The following PHC3 variants were observed in gnomAD, a reference collection of about 807,000 sequenced individuals.
The protein encoded by PHC3 is polyhomeotic homolog 3, also known as polyhomeotic-like protein 3.
Under a neutral mutation model 107.4 loss-of-function variants are expected in PHC3, and 13 were observed. The observed-to-expected ratio is 0.12, with a 90% CI of 0.08 to 0.19. The LOEUF is 0.19. Ranked by LOEUF, PHC3 falls within the 10% of genes least tolerant of loss-of-function variation. The probability of loss-of-function intolerance (pLI) is 1.00; values close to 1 mark genes in which losing one functional copy is unlikely to be tolerated. For synonymous variants in PHC3, 456 were observed against 427.4 expected (o/e 1.07, Z -0.83); for missense variants, 992 against 1,210.9 (o/e 0.82, Z 2.68).
At chr3:170,098,190 T>A (rs1489049198) in intron 14 of PHC3, among the ~76,000 whole-genome samples, 3 of 152,164 alleles carry the variant, frequency 2.0e-5, no homozygotes, top group Non-Finnish European at 4.4e-5. Flanking sequence ...TACCAAATTT[T>A]CACATCCAAA....
Position 170,136,588 on chromosome 3 carries a change from A to C in PHC3, c.750T>G (p.Ser250Arg), listed in dbSNP as rs556215860. The change falls in exon 7 of 15, where the codon AGT becomes AGG. Residue 250 changes from serine (S) to arginine (R), a missense_variant. Ser to Arg is a moderately radical substitution (Grantham distance 110, BLOSUM62 -1). Coordinates refer to ENST00000495893, the MANE Select transcript of PHC3 (RefSeq NM_024947.4). Reference protein sequence around the residue: ...SSQNGPPKSTSQTQSLTICHN... With the variant: ...SSQNGPPKSTRQTQSLTICHN... ...GACAAATTGTCAATGACTGAGTTTG[A>C]CTAGTGCTTTTTGGTGGACCATTCT... The C allele has an allele frequency of 2.8e-5, 45 of 1,613,802 alleles. 1 individual carries two copies. The highest frequency in any genetic ancestry group is 3.8e-5 in the Non-Finnish European group (45 of 1,179,830).
At position 170,122,637 on chromosome 3, in the gene PHC3, T is replaced by G. The variant is rs947812826; in HGVS notation, c.1896A>C (p.Ile632=). 1 of 1,613,998 alleles carries G rather than the reference T, an allele frequency of 6.2e-7. No homozygotes were observed. The highest frequency in any genetic ancestry group is 8.5e-7 in the Non-Finnish European group (1 of 1,179,880). The part of the protein sequence containing the change: ...PPPPTLSPAA[I]TVGRGEDLTS... ...TCAAATCTTCTCCTCTCCCCACTGTTATAGCTGCTGGAGACAAAGTGGGTG... is the reference window on the plus strand; with the variant it reads ...TCAAATCTTCTCCTCTCCCCACTGTGATAGCTGCTGGAGACAAAGTGGGTG... The change falls in exon 9 of 15, where the codon ATA becomes ATC. Residue 632 remains isoleucine (I), a synonymous_variant. Transcript: ENST00000495893.
At chr3:170,144,318 T>A (rs1290490660) in intron 6 of PHC3, among the ~76,000 whole-genome samples, 2 of 150,254 alleles carry the variant, frequency 1.3e-5, no homozygotes, top group African/African-American at 4.9e-5. Context: ...TCCAGCTTGG[T>A]CAATAAGAGC....
At chr3:170,125,403 G>GGTTTTATCGACCAGTTCA (rs1721087281) in intron 8 of PHC3, among the ~76,000 whole-genome samples, 1 of 152,102 alleles carries the variant, frequency 6.6e-6, no homozygotes, top group African/African-American at 2.4e-5. Flanking sequence ...AAACAAGTAT[G>GGTTTTATCGACCAGTTCA]GTTTTATCGA....
chr3:170,127,700 T>C (rs967072930), intron 8 of PHC3, among the ~76,000 whole-genome samples: 2 of 152,212 alleles, frequency 1.3e-5, no homozygotes. Flanking sequence ...TTTTAGGTGA[T>C]AAAATCTCTT....
intron 12 of PHC3, among the ~76,000 whole-genome samples, chr3:170,103,238 C>A (rs13315307): frequency 1.3e-4 from 20 of 151,892 alleles, no homozygotes; most frequent in African/African-American, 4.8e-4. Flanking sequence ...CAGAGGATAA[C>A]CAATTTTCAT....
chr3:170,166,534 C>T (rs1413692446), intron 4 of PHC3, among the ~76,000 whole-genome samples: 1 of 152,000 alleles, frequency 6.6e-6, no homozygotes, highest in African/African-American at 2.4e-5. Context: ...TTTAACTAAT[C>T]CTCAATTAAT....
rs1714027795 is a variant in PHC3 at position 170,090,890 on chromosome 3, GATT to G, written c.*6337_*6339del. ...TAATTCATTATTTACTACTGAAATAGATTATTTACTGATTATTTAATACTACCC... is the reference window on the plus strand; with the variant it reads ...TAATTCATTATTTACTACTGAAATAGATTTACTGATTATTTAATACTACCC... On this transcript the variant is annotated 3_prime_UTR_variant, in exon 15 of 15. Coordinates refer to ENST00000495893, the MANE Select transcript of PHC3 (RefSeq NM_024947.4). 6.6e-6 allele frequency: 1 copy of G among 152,222 alleles called. No individual in the cohort carries two copies. The highest frequency in any genetic ancestry group is 1.9e-4 in the East Asian group (1 of 5,186). The allele number at this position is 152,222 out of a possible 1,614,324, so 9.4% of individuals were successfully genotyped here. A position where few individuals can be genotyped will look rare whatever the true frequency, so the allele number is the denominator to read the frequency against.
At chr3:170,099,971 A>C (rs1715212389) in intron 14 of PHC3, among the ~76,000 whole-genome samples, 1 of 152,218 alleles carries the variant, frequency 6.6e-6, no homozygotes. Context: ...ACCCGCAGTA[A>C]ATTGAAAATA....
Position 170,113,505 on chromosome 3 carries a change from A to C in PHC3, c.2208T>G (p.Ser736=). 2.5e-6 allele frequency: 4 copies of C among 1,607,444 alleles called. No homozygotes were observed. The highest frequency in any genetic ancestry group is 3.4e-6 in the Non-Finnish European group (4 of 1,177,882). The part of the protein sequence containing the change: ...GLEPFPVSRS[S]LLIEQPVKKR... ...TTTTCACAGGCTGTTCTATTAGCAAAGAGGAACGACTCACCTTTAAAAAAG... is the reference window on the plus strand; with the variant it reads ...TTTTCACAGGCTGTTCTATTAGCAACGAGGAACGACTCACCTTTAAAAAAG... The change falls in exon 11 of 15, where the codon TCT becomes TCG. Residue 736 remains serine, a synonymous_variant. Coordinates refer to ENST00000495893, the MANE Select transcript of PHC3 (RefSeq NM_024947.4).
At chr3:170,162,803 T>C (rs929905648) in intron 4 of PHC3, among the ~76,000 whole-genome samples, 1 of 152,082 alleles carries the variant, frequency 6.6e-6, no homozygotes, top group Non-Finnish European at 1.5e-5. Flanking sequence ...TACAATTACC[T>C]CTCTGATGTC....
chr3:170,129,533 C>T lies in PHC3; in HGVS notation c.939G>A (p.Gln313=). ...GCTGATGTTTTATTAGAGAATGAGG[C>T]TGAATTGGAGAATATGAAGCTGTGA... The part of the protein sequence containing the change: ...LIAPASYSPI[Q]PHSLIKHQQI... Residue 313 remains glutamine (Q), a synonymous_variant, in exon 8 of 15, where the codon CAG becomes CAA. Coordinates refer to ENST00000495893, the MANE Select transcript of PHC3 (RefSeq NM_024947.4). The T allele has an allele frequency of 2.5e-6, 4 of 1,613,064 alleles. No homozygotes were observed. The highest frequency in any genetic ancestry group is 3.4e-6 in the Non-Finnish European group (4 of 1,179,460).
At chr3:170,111,070 C>A (rs1352405678) in intron 11 of PHC3, among the ~76,000 whole-genome samples, 1 of 151,922 alleles carries the variant, frequency 6.6e-6, no homozygotes, top group Non-Finnish European at 1.5e-5. Context: ...TTATTTGGAA[C>A]CTGATTTAAC....
chr3:170,164,451 C>T (rs1235454068), intron 4 of PHC3, among the ~76,000 whole-genome samples: 1 of 152,070 alleles, frequency 6.6e-6, no homozygotes, highest in Non-Finnish European at 1.5e-5. Flanking sequence ...CTTCTGCTTG[C>T]GTAATCAAAT....
At chr3:170,128,433 T>C (rs1721702271) in intron 8 of PHC3, 1 of 1,286,752 alleles carries the variant, frequency 7.8e-7, no homozygotes. Flanking sequence ...GATGGATTTG[T>C]TTAAATAGTA....
chr3:170,163,766 C>T (rs36029519), intron 4 of PHC3, among the ~76,000 whole-genome samples: 2,344 of 150,154 alleles, frequency 0.016, 44 homozygotes, highest in African/African-American at 0.048. Flanking sequence ...GGGAGGCTGA[C>T]GCACGAGAAT....
intron 2 of PHC3, among the ~76,000 whole-genome samples, chr3:170,177,724 A>C (rs1730703549): frequency 7.3e-6 from 1 of 136,450 alleles, no homozygotes; most frequent in Admixed American, 8.3e-5. Context: ...AGACTGGAGT[A>C]CAGTGGTGCG....
At position 170,136,605 on chromosome 3, in the gene PHC3, G is replaced by A; in HGVS notation, c.733C>T (p.Pro245Ser). 1 of 1,613,640 alleles carries A rather than the reference G, an allele frequency of 6.2e-7. No individual in the cohort carries two copies. Among genetic ancestry groups the A allele is most frequent in the Non-Finnish European group, 8.5e-7 (1 of 1,179,768 alleles). ...TGAGTTTGACTAGTGCTTTTTGGTG[G>A]ACCATTCTGTGAGCTAGATAATACA... ...LGVLSSSQNG[P>S]PKSTSQTQSL... The change falls in exon 7 of 15, where the codon CCA becomes TCA. Residue 245 changes from proline to serine, a missense_variant. Pro to Ser is a moderately conservative substitution (Grantham distance 74). Around this residue, in one of 6 missense-constraint regions of PHC3, gnomAD observed 543 missense variants for 590.8 expected, o/e 0.92. Coordinates refer to ENST00000495893, the MANE Select transcript of PHC3 (RefSeq NM_024947.4).
chr3:170,129,538 T>A lies in PHC3; in HGVS notation c.934A>T (p.Ile312Phe). 1 of 1,613,088 alleles carries A rather than the reference T, an allele frequency of 6.2e-7. No individual in the cohort carries two copies. Among genetic ancestry groups the A allele is most frequent in the Non-Finnish European group, 8.5e-7 (1 of 1,179,382 alleles). ...QLIAPASYSPIQPHSLIKHQQ... is the reference protein window; with the variant it reads ...QLIAPASYSPFQPHSLIKHQQ... ...TGTTTTATTAGAGAATGAGGCTGAA[T>A]TGGAGAATATGAAGCTGTGAGAGAA... The change falls in exon 8 of 15, where the codon ATT becomes TTT. Residue 312 changes from isoleucine (I) to phenylalanine (F), a missense_variant. By Grantham distance (21) the Ile-to-Phe change is conservative (BLOSUM62 0). Around this residue, in one of 6 missense-constraint regions of PHC3, gnomAD observed 543 missense variants for 590.8 expected, o/e 0.92. Transcript: ENST00000495893.
Sources: gnomAD v4.1 joint callset for allele counts (sites outside exome capture counted in the v4.1 genomes callset) on GRCh38, gnomAD v4.1.1 for gene constraint, gnomAD v4.1.1 regional missense constraint, MANE v1.5 for transcripts, NCBI Gene and HGNC (gene_info 2026-07-23, HGNC 2026-07-21) for gene names.